Variants in CCBE1 observed in about 807,000 individuals in gnomAD.
CCBE1 encodes the protein collagen and calcium-binding EGF domain-containing protein 1.
Under a neutral mutation model 50.0 loss-of-function variants are expected in CCBE1, and 37 were observed. The observed-to-expected ratio is 0.74, with a 90% CI of 0.57 to 0.97. The LOEUF is 0.97. CCBE1 is among the 50% of genes least tolerant of loss of function. CCBE1 has a pLI of 0.00. For missense variants in CCBE1, 538 were observed against 523.8 expected, an observed-to-expected ratio of 1.03 and a Z score of -0.26; for synonymous variants, 234 against 203.7, an observed-to-expected ratio of 1.15 and a Z score of -1.27.
At chr18:59,531,023 T>C (rs1195223839) in intron 2 of CCBE1, among the ~76,000 whole-genome samples, 1 of 148,802 alleles carries the variant, frequency 6.7e-6, no homozygotes, top group Non-Finnish European at 1.5e-5. Flanking sequence ...TGGCCCTGAA[T>C]TGAGGAGTTT....
chr18:59,632,184 G>C (rs1225000520), intron 2 of CCBE1, among the ~76,000 whole-genome samples: 2 of 152,170 alleles, frequency 1.3e-5, no homozygotes, highest in Non-Finnish European at 2.9e-5. Flanking sequence ...AGGAAACCAA[G>C]GCCCCCAAAA....
intron 2 of CCBE1, among the ~76,000 whole-genome samples, chr18:59,542,038 T>C (rs1915486912): frequency 6.6e-6 from 1 of 151,822 alleles, no homozygotes; most frequent in Non-Finnish European, 1.5e-5. Flanking sequence ...TAGCCGGGTA[T>C]GGTAGCACGT....
chr18:59,572,768 C>T (rs1373970369), intron 2 of CCBE1, among the ~76,000 whole-genome samples: 1 of 152,164 alleles, frequency 6.6e-6, no homozygotes, highest in Non-Finnish European at 1.5e-5. Flanking sequence ...TAAACTATGA[C>T]TTCTCAGAAC....
intron 2 of CCBE1, among the ~76,000 whole-genome samples, chr18:59,603,144 C>T (rs573456099): frequency 1.1e-4 from 16 of 152,252 alleles, no homozygotes; most frequent in Middle Eastern, 3.4e-3. Flanking sequence ...TGTGTGTATC[C>T]GCCATAGCCA....
At position 59,676,842 on chromosome 18, in the gene CCBE1, C is replaced by A. The variant is rs1230242622; in HGVS notation, c.212+19787G>T. Among the ~76,000 whole-genome samples, 3 of 152,050 alleles carry A rather than the reference C, an allele frequency of 2.0e-5. No homozygotes were observed. The East Asian group carries it at 5.8e-4, about 29-fold the overall frequency. On this transcript the variant is annotated intron_variant, in intron 2 of 10. Transcript: ENST00000439986. Reference sequence around the variant, plus strand: ...TAATTAAATTCAGAAGGATTAGGAACCAGAATTAGGATTTAAGTGGGGGGA... The same window carrying A: ...TAATTAAATTCAGAAGGATTAGGAAACAGAATTAGGATTTAAGTGGGGGGA...
chr18:59,440,703 A>G (rs1023278019), intron 7 of CCBE1, among the ~76,000 whole-genome samples: 2 of 152,248 alleles, frequency 1.3e-5, no homozygotes, highest in South Asian at 4.2e-4. Context: ...AAGATTTGCC[A>G]CAGGTACAAG....
At chr18:59,472,956 T>C (rs139204907) in intron 3 of CCBE1, among the ~76,000 whole-genome samples, 49 of 152,246 alleles carry the variant, frequency 3.2e-4, no homozygotes, top group African/African-American at 1.2e-3. Flanking sequence ...CTTGTGAGAC[T>C]TACCACCATG....
At chr18:59,694,235 C>CA (rs1386776095) in intron 2 of CCBE1, among the ~76,000 whole-genome samples, 2 of 152,134 alleles carry the variant, frequency 1.3e-5, no homozygotes, top group Admixed American at 6.5e-5. Flanking sequence ...AGAGTTCCTT[C>CA]ACTTGTGCTG....
chr18:59,562,029 C>T (rs1032327657), intron 2 of CCBE1, among the ~76,000 whole-genome samples: 1 of 152,184 alleles, frequency 6.6e-6, no homozygotes, highest in African/African-American at 2.4e-5. Flanking sequence ...CCAGATCTAA[C>T]AAGTACGTAG....
intron 5 of CCBE1, among the ~76,000 whole-genome samples, chr18:59,460,886 T>G (rs2011464): frequency 0.87 from 132,265 of 151,694 alleles, 57,933 homozygotes; most frequent in Middle Eastern, 0.95. Context: ...AGTGAGCGGA[T>G]ATCGCGCCAC....
At chr18:59,533,081 C>G (rs777216680) in intron 2 of CCBE1, among the ~76,000 whole-genome samples, 2 of 152,154 alleles carry the variant, frequency 1.3e-5, no homozygotes, top group African/African-American at 2.4e-5. Flanking sequence ...CCTAAGTTCT[C>G]TTTTTTCCCC....
intron 2 of CCBE1, among the ~76,000 whole-genome samples, chr18:59,545,793 C>T (rs1915658699): frequency 6.6e-6 from 1 of 152,152 alleles, no homozygotes. Context: ...AGGGGGTTCC[C>T]CTTTTACATC....
chr18:59,533,729 C>T (rs1292913812), intron 2 of CCBE1, among the ~76,000 whole-genome samples: 1 of 152,134 alleles, frequency 6.6e-6, no homozygotes, highest in Non-Finnish European at 1.5e-5. Context: ...CTGTACCATG[C>T]ATTAATTCAC....
intron 2 of CCBE1, among the ~76,000 whole-genome samples, chr18:59,681,279 T>C (rs1276456347): frequency 6.6e-6 from 1 of 152,098 alleles, no homozygotes; most frequent in East Asian, 1.9e-4. Context: ...GGCTCTTTGG[T>C]CCATAAAATA....
chr18:59,439,691 G>C lies in CCBE1; in HGVS notation c.901C>G (p.Arg301Gly). 6.2e-7 allele frequency: 1 copy of C among 1,614,234 alleles called. No homozygotes were observed. Among genetic ancestry groups the C allele is most frequent in the Non-Finnish European group, 8.5e-7 (1 of 1,180,048 alleles). The change falls in exon 8 of 11, where the codon CGG becomes GGG. Residue 301 changes from arginine to glycine, a missense_variant. Coordinates refer to ENST00000439986, the MANE Select transcript of CCBE1 (RefSeq NM_133459.4). ...AAGATACTGACCACAGGGCCCCTCCGGCCTTGCTTAATGTGGGACAGATCA... is the reference window on the plus strand; with the variant it reads ...AAGATACTGACCACAGGGCCCCTCCCGCCTTGCTTAATGTGGGACAGATCA... ...SPDLSHIKQG[R>G]RGPVGPPGAP... is the part of the protein sequence containing the mutation.
At chr18:59,580,431 C>T (rs1383044545) in intron 2 of CCBE1, among the ~76,000 whole-genome samples, 1 of 152,196 alleles carries the variant, frequency 6.6e-6, no homozygotes, top group Admixed American at 6.5e-5. Flanking sequence ...AAATTATGCT[C>T]TGACCACCTG....
intron 2 of CCBE1, among the ~76,000 whole-genome samples, chr18:59,497,437 C>G (rs2143825643): frequency 6.6e-6 from 1 of 152,278 alleles, no homozygotes; most frequent in South Asian, 2.1e-4. Context: ...CCCAAGACAT[C>G]AAAAAGCACT....
rs1430810092 is a variant in CCBE1, at chr18:59,697,398, G to C, written c.-56C>G. ...GAGCTCCGTCCGGACCAAGCGTCCT[G>C]CTCCTCCGCGGCCGCCGCCGCCTTC... On this transcript the variant is annotated 5_prime_UTR_variant, in exon 1 of 11. Transcript: ENST00000439986. 1.3e-6 allele frequency: 2 copies of C among 1,518,508 alleles called. No individual in the cohort carries two copies. Among genetic ancestry groups the C allele is most frequent in the Non-Finnish European group, 1.8e-6 (2 of 1,134,700 alleles). 94.1% of individuals were successfully genotyped at this position (1,518,508 alleles called of 1,614,324 possible).
chr18:59,433,866 A>C lies in CCBE1; in HGVS notation c.*2042T>G, dbSNP rs1294375904. ...CTCGGCCTCCCAAAGTGCTGGGATT[A>C]CAGGCATGAGCCACCAAGCCCGGCC... is the stretch of plus-strand genomic sequence containing the variant. On this transcript the variant is annotated 3_prime_UTR_variant, in exon 11 of 11. Coordinates refer to ENST00000439986, the MANE Select transcript of CCBE1 (RefSeq NM_133459.4). 3 of 130,832 alleles carry C rather than the reference A, an allele frequency of 2.3e-5. No homozygotes were observed. The highest frequency in any genetic ancestry group is 9.0e-5 in the African/African-American group (3 of 33,324). 8.1% of individuals were successfully genotyped at this position (130,832 alleles called of 1,614,324 possible).
Sources: allele counts gnomAD v4.1 joint callset (sites outside exome capture counted in the v4.1 genomes callset), GRCh38; gene constraint gnomAD v4.1.1; transcripts MANE v1.5; gene names NCBI Gene and HGNC (gene_info 2026-07-23, HGNC 2026-07-21).